Variants in CLASP1 observed in about 807,000 individuals in gnomAD.
CLASP1 encodes the protein CLIP-associating protein 1.
Under a neutral mutation model 192.3 loss-of-function variants are expected in CLASP1, and 38 were observed. That is an observed-to-expected ratio of 0.20 (90% CI 0.15 to 0.26). The LOEUF is 0.26. CLASP1 is among the 10% of genes least tolerant of loss of function. The pLI is 1.00. For synonymous variants in CLASP1, 691 were observed against 712.8 expected (o/e 0.97, Z 0.49); for missense variants, 1,433 against 1,932.5 (o/e 0.74, Z 4.85).
intron 8 of CLASP1, among the ~76,000 whole-genome samples, 153 bp downstream of exon 8, chr2:121,503,014 T>C (rs1300432139): frequency 6.6e-6 from 1 of 152,240 alleles, no homozygotes; most frequent in Non-Finnish European, 1.5e-5. Flanking sequence ...ATTCACTGCA[T>C]TGTTTCTGGC....
At position 121,407,501 on chromosome 2, in the gene CLASP1, T is replaced by C. The variant is rs757688668; in HGVS notation, c.2639A>G (p.Gln880Arg). 13 of 1,614,028 alleles carry C rather than the reference T, an allele frequency of 8.1e-6. No individual in the cohort carries two copies. In the East Asian group the frequency reaches 2.9e-4, roughly 36 times the overall value. Reference sequence around the variant, plus strand: ...TGTTCTTTGGCTCTTCAGTAAGTTCTGCAGGCCCAGAAGCCCTTCTTTCCT... The same window carrying C: ...TGTTCTTTGGCTCTTCAGTAAGTTCCGCAGGCCCAGAAGCCCTTCTTTCCT... Residue 880 changes from glutamine (Q) to arginine (R), a missense_variant, in exon 25 of 40, where the codon CAG becomes CGG. By Grantham distance (43) the Gln-to-Arg change is conservative. Around this residue, in one of 8 missense-constraint regions of CLASP1, gnomAD observed 445 missense variants for 535.5 expected, o/e 0.83. Transcript: ENST00000263710.
intron 32 of CLASP1, among the ~76,000 whole-genome samples, chr2:121,382,688 G>A (rs1170677561): frequency 2.0e-5 from 3 of 152,162 alleles, no homozygotes; most frequent in African/African-American, 4.8e-5. Flanking sequence ...AAGAAAATAT[G>A]GATGCTCACT....
At chr2:121,417,793 C>A (rs978186597) in intron 23 of CLASP1, among the ~76,000 whole-genome samples, 2 of 152,152 alleles carry the variant, frequency 1.3e-5, no homozygotes, top group Admixed American at 6.6e-5. Flanking sequence ...AATATTAAGA[C>A]CTTATGCTTT....
chr2:121,347,786 T>C (rs2063642003), intron 38 of CLASP1, among the ~76,000 whole-genome samples: 1 of 152,140 alleles, frequency 6.6e-6, no homozygotes, highest in African/African-American at 2.4e-5. Flanking sequence ...TTTGGAATAA[T>C]CTAGTCCTCA....
chr2:121,397,376 G>A, intron 29 of CLASP1, 93 bp from the exon 31 acceptor site: 1 of 1,047,458 alleles, frequency 9.5e-7, no homozygotes, highest in East Asian at 2.5e-5. Flanking sequence ...AAACCCTGGT[G>A]AGGGGGATCT....
chr2:121,343,102 T>A (rs754862610), intron 39 of CLASP1, among the ~76,000 whole-genome samples: 4 of 152,240 alleles, frequency 2.6e-5, no homozygotes, highest in Non-Finnish European at 4.4e-5. Context: ...AGGGAAAGGA[T>A]CATCTTTTTA....
chr2:121,606,840 T>G (rs1035706187), intron 1 of CLASP1, among the ~76,000 whole-genome samples: 2 of 152,006 alleles, frequency 1.3e-5, no homozygotes, highest in African/African-American at 4.8e-5. Context: ...GGCCGATCAT[T>G]TGAGGTCAGG....
At chr2:121,563,448 C>T (rs10171586) in intron 2 of CLASP1, among the ~76,000 whole-genome samples, 37,947 of 152,094 alleles carry the variant, frequency 0.25, 7,522 homozygotes, top group African/African-American at 0.55. Context: ...CAGAATTTCA[C>T]TCATGCTTTC....
intron 14 of CLASP1, among the ~76,000 whole-genome samples, chr2:121,454,157 C>G (rs2086141310): frequency 2.0e-5 from 3 of 152,050 alleles, no homozygotes; most frequent in East Asian, 3.9e-4. Context: ...TGCCCACCCC[C>G]CCCTCCAAAA....
At chr2:121,550,236 A>G (rs2105148279) in intron 2 of CLASP1, among the ~76,000 whole-genome samples, 1 of 152,274 alleles carries the variant, frequency 6.6e-6, no homozygotes. Flanking sequence ...AATCTCTGGG[A>G]CACAGCTAAG....
In CLASP1 at chr2:121,430,376, A is replaced by G. The variant is rs541427302; in HGVS notation, c.1913-199T>C. Among the ~76,000 whole-genome samples, 7 of 152,404 alleles carry G rather than the reference A, an allele frequency of 4.6e-5. No individual in the cohort carries two copies. The East Asian group carries it at 1.3e-3, about 29-fold the overall frequency. The stretch of plus-strand genomic sequence containing the variant: ...GCGCACATGCGCATATGATCCACGC[A>G]CAACTGTTCTACGAACACAGGATGA... On this transcript the variant is annotated intron_variant, in intron 19 of 39. Transcript: ENST00000263710.
intron 32 of CLASP1, among the ~76,000 whole-genome samples, chr2:121,383,107 TG>T (rs2072152200): frequency 1.3e-5 from 2 of 152,162 alleles, no homozygotes; most frequent in South Asian, 4.1e-4. Flanking sequence ...TTCTAACAAC[TG>T]TTGCAATTCA....
intron 1 of CLASP1, among the ~76,000 whole-genome samples, chr2:121,633,730 G>A (rs1368366835): frequency 2.6e-5 from 4 of 152,130 alleles, no homozygotes; most frequent in Non-Finnish European, 5.9e-5. Flanking sequence ...AACAGGGCCA[G>A]GCACGGTGGC....
chr2:121,498,987 C>T (rs2093640232), intron 8 of CLASP1, among the ~76,000 whole-genome samples: 1 of 152,152 alleles, frequency 6.6e-6, no homozygotes, highest in African/African-American at 2.4e-5. Context: ...TAAAATAGTG[C>T]TGCAAAACTG....
intron 31 of CLASP1, 83 bp downstream of exon 32, chr2:121,387,680 A>T: frequency 2.2e-6 from 3 of 1,339,430 alleles, no homozygotes; most frequent in South Asian, 1.3e-5. Context: ...GAAACGGGGT[A>T]TTCTATTAGA....
At position 121,411,979 on chromosome 2, in the gene CLASP1, C is replaced by T. The variant is rs563785881; in HGVS notation, c.2321-1010G>A. Among the ~76,000 whole-genome samples the T allele has an allele frequency of 6.6e-5, 10 of 152,092 alleles. No homozygotes were observed. In the South Asian group the frequency reaches 1.2e-3, roughly 19 times the overall value. ...AACAAATAAGACTTCGTTTGGACAA[C>T]GAAAATCTCTATGTTAGCTATATTC... On this transcript the variant is annotated intron_variant, in intron 23 of 39. Coordinates refer to ENST00000263710, the Ensembl canonical transcript of CLASP1.
intron 2 of CLASP1, among the ~76,000 whole-genome samples, chr2:121,538,787 A>AC (rs1195487950): frequency 6.6e-6 from 1 of 152,054 alleles, no homozygotes; most frequent in Non-Finnish European, 1.5e-5. Context: ...TCAGTCTCAA[A>AC]AAAAAAAAAA....
In CLASP1 at chr2:121,407,647, G is replaced by A. The variant is rs542095146; in HGVS notation, c.2493C>T (p.Ala831=). ...ATGAGCGCTCAGAGCAAACACTTGAGGCATCACTGTTGGCATCATCGTCAG... is the reference window on the plus strand; with the variant it reads ...ATGAGCGCTCAGAGCAAACACTTGAAGCATCACTGTTGGCATCATCGTCAG... Residue 831 remains alanine (A), a synonymous_variant, in exon 25 of 40, where the codon GCC becomes GCT. Coordinates refer to ENST00000263710, the Ensembl canonical transcript of CLASP1. 4 of 1,613,970 alleles carry A rather than the reference G, an allele frequency of 2.5e-6. No homozygotes were observed. The South Asian group carries it at 4.4e-5, about 18-fold the overall frequency.
At position 121,465,281 on chromosome 2, in the gene CLASP1, A is replaced by G. The variant is rs551993283; in HGVS notation, c.866-2676T>C. Among the ~76,000 whole-genome samples the G allele has an allele frequency of 1.7e-3, 265 of 152,346 alleles. No individual in the cohort carries two copies. The South Asian group carries it at 0.018, about 11-fold the overall frequency. On this transcript the variant is annotated intron_variant, in intron 9 of 39. Coordinates refer to ENST00000263710, the Ensembl canonical transcript of CLASP1. Reference sequence around the variant, plus strand: ...TATATCTAGAAAACCCCATTGTCTCAGCCCAAAATCTCCTCAAGCTGATAA... The same window carrying G: ...TATATCTAGAAAACCCCATTGTCTCGGCCCAAAATCTCCTCAAGCTGATAA...
Sources: allele counts gnomAD v4.1 joint callset (sites outside exome capture counted in the v4.1 genomes callset), GRCh38; gene constraint gnomAD v4.1.1; regional missense constraint gnomAD v4.1.1; transcripts MANE v1.5; gene names NCBI Gene and HGNC (gene_info 2026-07-23, HGNC 2026-07-21).